The following UEVLD variants were observed in gnomAD, a reference collection of about 807,000 sequenced individuals.
UEVLD encodes UEV and lactate/malate dehyrogenase domains, also known as ubiquitin-conjugating enzyme E2 variant 3.
A neutral mutation model predicts 58.6 loss-of-function variants in UEVLD; 47 were observed. The ratio of observed to expected loss-of-function variants is 0.80; its 90% CI spans 0.63 to 1.02. The LOEUF is 1.02. Ranked by LOEUF, UEVLD falls within the 50% of genes least tolerant of loss-of-function variation. The probability of loss-of-function intolerance (pLI) is 0.00; values close to 1 mark genes in which losing one functional copy is unlikely to be tolerated. For synonymous variants in UEVLD, 197 were observed against 195.3 expected (o/e 1.01, Z -0.07); for missense variants, 510 against 550.6 (o/e 0.93, Z 0.74).
chr11:18,572,862 G>A (rs1852700415), intron 3 of UEVLD, among the ~76,000 whole-genome samples: 1 of 151,222 alleles, frequency 6.6e-6, no homozygotes, highest in Non-Finnish European at 1.5e-5. Context: ...AGCATACACT[G>A]GCACACACTA....
chr11:18,537,639 AATTTAT>A (rs1212810234), intron 9 of UEVLD, among the ~76,000 whole-genome samples: 1 of 151,362 alleles, frequency 6.6e-6, no homozygotes. Context: ...CCAGACTAGA[AATTTAT>A]ATCACACTTT....
intron 2 of UEVLD, among the ~76,000 whole-genome samples, chr11:18,576,567 A>C (rs1027125126): frequency 1.6e-4 from 25 of 152,100 alleles, no homozygotes; most frequent in Non-Finnish European, 2.9e-4. Context: ...AATAAAATAA[A>C]AATTATGGTT....
At chr11:18,583,438 C>A (rs183338962) in intron 1 of UEVLD, among the ~76,000 whole-genome samples, 1 of 151,802 alleles carries the variant, frequency 6.6e-6, no homozygotes, top group Non-Finnish European at 1.5e-5. Flanking sequence ...AGGCTGGTCT[C>A]GAACTCTTGA....
At chr11:18,571,776 G>A (rs1852622672) in intron 3 of UEVLD, among the ~76,000 whole-genome samples, 1 of 152,156 alleles carries the variant, frequency 6.6e-6, no homozygotes, top group Non-Finnish European at 1.5e-5. Context: ...AGACCAGCCT[G>A]GGCAACAATG....
intron 7 of UEVLD, among the ~76,000 whole-genome samples, chr11:18,551,244 T>C (rs886891035): frequency 6.6e-6 from 1 of 151,922 alleles, no homozygotes. Context: ...CTGGCTAAGA[T>C]GGTGAAACCC....
Position 18,545,068 on chromosome 11 carries a change from ATCTATAT to A in UEVLD, c.887-279_887-273del, listed in dbSNP as rs1183794458. On this transcript the variant is annotated intron_variant, in intron 8 of 11. Transcript: ENST00000396197. ...TATCTATATCTATATCTATATCTAT[ATCTATAT>A]TTTTTTTTTTTTTTTGAGATGGAGT... 3.4e-3 allele frequency among the ~76,000 whole-genome samples: 136 copies of A among 39,700 alleles called. 2 individuals carry two copies. Among genetic ancestry groups the A allele is most frequent in the Middle Eastern group, 0.016 (1 of 62 alleles). The allele number at this position is 39,700 out of a possible 152,430, so 26.0% of individuals were successfully genotyped here. A position where few individuals can be genotyped will look rare whatever the true frequency, so the allele number is the denominator to read the frequency against.
At chr11:18,575,500 T>A in intron 2 of UEVLD, 88 bp from the exon 3 acceptor site, 3 of 1,233,824 alleles carry the variant, frequency 2.4e-6, no homozygotes, top group Non-Finnish European at 3.4e-6. Flanking sequence ...ATGTGTGTGC[T>A]CATGAATATA....
rs143235851 is a variant in UEVLD at position 18,535,077 on chromosome 11, A to G, written c.1125-624T>C. Among the ~76,000 whole-genome samples the G allele has an allele frequency of 7.3e-3, 1,119 of 152,340 alleles. 13 individuals are homozygous for G. Among genetic ancestry groups the G allele is most frequent in the African/African-American group, 0.026 (1,068 of 41,572 alleles). ...AAAAATGTCTGAGATTTCATCATTA[A>G]GGAAAGAAATGAAGTTGCAAGATAG... On this transcript the variant is annotated intron_variant, in intron 10 of 11. Coordinates refer to ENST00000396197, the MANE Select transcript of UEVLD (RefSeq NM_001040697.4).
chr11:18,547,710 C>G (rs1375108759), intron 7 of UEVLD, among the ~76,000 whole-genome samples: 1 of 152,058 alleles, frequency 6.6e-6, no homozygotes, highest in Non-Finnish European at 1.5e-5. Flanking sequence ...GGTTCCTAAA[C>G]TGTGAGCTTA....
chr11:18,564,347 G>C (rs928448187), intron 6 of UEVLD, among the ~76,000 whole-genome samples: 3 of 152,022 alleles, frequency 2.0e-5, no homozygotes, highest in Non-Finnish European at 4.4e-5. Flanking sequence ...ATGATACTAG[G>C]CTCTGGAGGG....
At chr11:18,545,261 C>T (rs1438477396) in intron 8 of UEVLD, among the ~76,000 whole-genome samples, 5 of 151,414 alleles carry the variant, frequency 3.3e-5, no homozygotes, top group South Asian at 2.1e-4. Flanking sequence ...TTGGTAGAGA[C>T]GGGGTTTCAC....
intron 1 of UEVLD, 134 bp from the exon 2 acceptor site, chr11:18,578,942 A>C: frequency 1.4e-5 from 8 of 576,688 alleles, no homozygotes; most frequent in East Asian, 3.3e-5. Flanking sequence ...ATCTCAGCTC[A>C]CTGCAACCTC....
Position 18,555,682 on chromosome 11 carries a change from G to A in UEVLD, c.715+2546C>T, listed in dbSNP as rs145555514. On this transcript the variant is annotated intron_variant, in intron 7 of 11. Coordinates refer to ENST00000396197, the MANE Select transcript of UEVLD (RefSeq NM_001040697.4). ...ATACAACCAAGCTGGGTATGGTGACGTGCACCTGTAGTCCCAGATACTTAT... is the reference window on the plus strand; with the variant it reads ...ATACAACCAAGCTGGGTATGGTGACATGCACCTGTAGTCCCAGATACTTAT... Among the ~76,000 whole-genome samples, 417 of 152,166 alleles carry A rather than the reference G, an allele frequency of 2.7e-3. 2 individuals carry two copies. Among genetic ancestry groups the A allele is most frequent in the African/African-American group, 9.3e-3 (385 of 41,494 alleles).
At chr11:18,578,422 T>C (rs1316126020) in intron 2 of UEVLD, among the ~76,000 whole-genome samples, 1 of 152,194 alleles carries the variant, frequency 6.6e-6, no homozygotes, top group African/African-American at 2.4e-5. Context: ...AAGTCAAACC[T>C]CTAGTTTACT....
At chr11:18,555,602 AT>A (rs1851724541) in intron 7 of UEVLD, among the ~76,000 whole-genome samples, 1 of 152,066 alleles carries the variant, frequency 6.6e-6, no homozygotes, top group African/African-American at 2.4e-5. Flanking sequence ...AAATAAACAA[AT>A]GAATAAATAA....
chr11:18,530,579 C>T lies in UEVLD; in HGVS notation c.*1741G>A, dbSNP rs1850525589. The T allele has an allele frequency of 6.6e-6, 1 of 152,360 alleles. No homozygotes were observed. Among genetic ancestry groups the T allele is most frequent in the African/African-American group, 2.4e-5 (1 of 41,394 alleles). 9.4% of individuals were successfully genotyped at this position (152,360 alleles called of 1,614,324 possible). ...ATTTTTATTTTTTTAGAGACAGGGT[C>T]TCACTCTGTTGCCTAGGCTGGAGTG... On this transcript the variant is annotated 3_prime_UTR_variant, in exon 12 of 12. Coordinates refer to ENST00000396197, the MANE Select transcript of UEVLD (RefSeq NM_001040697.4).
At chr11:18,560,189 C>G (rs1470651446) in intron 6 of UEVLD, among the ~76,000 whole-genome samples, 3 of 148,388 alleles carry the variant, frequency 2.0e-5, no homozygotes, top group Non-Finnish European at 4.5e-5. Context: ...CTATGTAACA[C>G]CAGGACAGTC....
At chr11:18,586,135 A>G (rs545912014) in intron 1 of UEVLD, among the ~76,000 whole-genome samples, 1 of 152,298 alleles carries the variant, frequency 6.6e-6, no homozygotes, top group Admixed American at 6.5e-5. Flanking sequence ...TAGTTGCTTA[A>G]TTTTTTAATG....
At chr11:18,538,475 G>A (rs1243869787) in intron 9 of UEVLD, among the ~76,000 whole-genome samples, 2 of 151,522 alleles carry the variant, frequency 1.3e-5, no homozygotes, top group Admixed American at 6.6e-5. Flanking sequence ...CCCCACGCCC[G>A]GGTAATTTTG....
Sources: allele counts gnomAD v4.1 joint callset (sites outside exome capture counted in the v4.1 genomes callset), GRCh38; gene constraint gnomAD v4.1.1; transcripts MANE v1.5; gene names NCBI Gene and HGNC (gene_info 2026-07-23, HGNC 2026-07-21).